METTL16: variants seen among roughly 807,000 people sequenced by gnomAD.
The protein encoded by METTL16 is methyltransferase 16, RNA N6-adenosine.
A neutral mutation model predicts 57.9 loss-of-function variants in METTL16; 19 were observed. The ratio of observed to expected loss-of-function variants is 0.33; its 90% CI spans 0.23 to 0.48. The LOEUF is 0.48. METTL16 is among the 20% of genes least tolerant of loss of function. The probability of loss-of-function intolerance (pLI) is 0.99; values close to 1 mark genes in which losing one functional copy is unlikely to be tolerated. For missense variants in METTL16, 434 were observed against 691.5 expected (o/e 0.63, Z 4.18); for synonymous variants, 246 against 255.6 (o/e 0.96, Z 0.36).
intron 3 of METTL16, among the ~76,000 whole-genome samples, chr17:2,475,935 CTTTT>C (rs1194705972): frequency 6.6e-6 from 1 of 152,134 alleles, no homozygotes; most frequent in African/African-American, 2.4e-5. Flanking sequence ...GGCTGTCAAG[CTTTT>C]TAAGCAAACT....
intron 6 of METTL16, among the ~76,000 whole-genome samples, chr17:2,452,378 G>A (rs1364479963): frequency 6.6e-6 from 1 of 152,070 alleles, no homozygotes; most frequent in Non-Finnish European, 1.5e-5. Flanking sequence ...TATGGAAAAA[G>A]CAGAAGTCAT....
At position 2,440,590 on chromosome 17, in the gene METTL16, T is replaced by C. The variant is rs537610057; in HGVS notation, c.798+900A>G. Among the ~76,000 whole-genome samples, 11 of 134,004 alleles carry C rather than the reference T, an allele frequency of 8.2e-5. No individual in the cohort carries two copies. In the South Asian group the frequency reaches 1.6e-3, roughly 20 times the overall value. The allele number at this position is 134,004 out of a possible 152,430, so 87.9% of individuals were successfully genotyped here. A position where few individuals can be genotyped will look rare whatever the true frequency, so the allele number is the denominator to read the frequency against. On this transcript the variant is annotated intron_variant, in intron 7 of 9. Coordinates refer to ENST00000263092, the MANE Select transcript of METTL16 (RefSeq NM_024086.4). ...AAAAACAAAAACAAAACAGTAGATA[T>C]ATGAAAAAAAACCTCAAGATGGACT... is the stretch of plus-strand genomic sequence containing the variant.
chr17:2,476,815 G>T (rs1415845522), intron 3 of METTL16, among the ~76,000 whole-genome samples: 1 of 152,068 alleles, frequency 6.6e-6, no homozygotes, highest in Non-Finnish European at 1.5e-5. Flanking sequence ...AATTAGCCAG[G>T]GGTGGTGGCA....
At position 2,420,198 on chromosome 17, in the gene METTL16, G is replaced by T; in HGVS notation, c.1461C>A (p.Ala487=). The T allele has an allele frequency of 1.9e-6, 3 of 1,614,164 alleles. 1 individual carries two copies. The Admixed American group carries it at 5.0e-5, about 27-fold the overall frequency. The change falls in exon 10 of 10, where the codon GCC becomes GCA. Residue 487 remains alanine, a synonymous_variant. Transcript: ENST00000263092. The surrounding 1 kb of genome is among the most constrained non-coding windows in gnomAD (Gnocchi z 5.4). ...LESCQGSSNG[A]QDQEASEQFG... ...ACTGCTCAGAAGCCTCTTGGTCCTG[G>T]GCTCCGTTGCTAGAGCCTTGACAAC... is the stretch of plus-strand genomic sequence containing the variant.
Position 2,444,936 on chromosome 17 carries a change from G to A in METTL16, c.729-3377C>T, listed in dbSNP as rs1242811021. Among the ~76,000 whole-genome samples, 8 of 151,906 alleles carry A rather than the reference G, an allele frequency of 5.3e-5. 1 individual carries two copies. Among genetic ancestry groups the A allele is most frequent in the Admixed American group, 5.2e-4 (8 of 15,252 alleles). Reference sequence around the variant, plus strand: ...TCACCATGTTGGCCAGGCTGGTCTTGAACTCCTGACCTCAGGTGTTCCACC... The same window carrying A: ...TCACCATGTTGGCCAGGCTGGTCTTAAACTCCTGACCTCAGGTGTTCCACC... On this transcript the variant is annotated intron_variant, in intron 6 of 9. Transcript: ENST00000263092.
chr17:2,492,176 A>G (rs1304248132), intron 2 of METTL16, among the ~76,000 whole-genome samples: 2 of 152,130 alleles, frequency 1.3e-5, no homozygotes, highest in Non-Finnish European at 2.9e-5. Flanking sequence ...GCGCCACTGC[A>G]CTCCAGCCTG....
At chr17:2,445,377 G>GCATT (rs1434455492) in intron 6 of METTL16, among the ~76,000 whole-genome samples, 1 of 152,076 alleles carries the variant, frequency 6.6e-6, no homozygotes, top group Non-Finnish European at 1.5e-5. Context: ...ACCTAATGAT[G>GCATT]CATTTCTCAG....
At chr17:2,505,738 C>T (rs930397243) in intron 1 of METTL16, among the ~76,000 whole-genome samples, 8 of 152,016 alleles carry the variant, frequency 5.3e-5, no homozygotes, top group Admixed American at 5.2e-4. Context: ...CTTGTTCTCA[C>T]CATCCCTCCT....
intron 6 of METTL16, among the ~76,000 whole-genome samples, chr17:2,447,311 C>T (rs371572814): frequency 6.9e-6 from 1 of 144,016 alleles, no homozygotes; most frequent in Non-Finnish European, 1.5e-5. Flanking sequence ...GCCCGGCCGC[C>T]CCGTCTGAGA....
Position 2,477,708 on chromosome 17 carries a change from A to C in METTL16, c.306T>G (p.Thr102=). ...LIGHQDSDKS[T]LRRGIDIGTG... ...TACCTATGTCAATTCCTCTTCGGAG[A>C]GTACTTTTGTCAGAATCCTGGTGAC... The change falls in exon 3 of 10, where the codon ACT becomes ACG. Residue 102 remains threonine (T), a synonymous_variant. Coordinates refer to ENST00000263092, the MANE Select transcript of METTL16 (RefSeq NM_024086.4). 1.2e-6 allele frequency: 2 copies of C among 1,613,558 alleles called. No individual in the cohort carries two copies. Among genetic ancestry groups the C allele is most frequent in the Non-Finnish European group, 1.7e-6 (2 of 1,179,456 alleles).
intron 5 of METTL16, among the ~76,000 whole-genome samples, chr17:2,465,152 C>T (rs1260924135): frequency 1.3e-5 from 2 of 152,116 alleles, no homozygotes; most frequent in Non-Finnish European, 2.9e-5. Context: ...GGCCAATAAG[C>T]ACGTGAAAAG....
At chr17:2,439,355 G>C (rs2066930925) in intron 7 of METTL16, among the ~76,000 whole-genome samples, 1 of 152,052 alleles carries the variant, frequency 6.6e-6, no homozygotes, top group African/African-American at 2.4e-5. Flanking sequence ...CAAGCAATCT[G>C]CCCGCCTCAG....
intron 6 of METTL16, among the ~76,000 whole-genome samples, chr17:2,448,801 T>TAAAAAA (rs1567889993): frequency 2.3e-4 from 11 of 47,414 alleles, no homozygotes; most frequent in East Asian, 4.1e-4. Context: ...AAAATAAAAT[T>TAAAAAA]TAAAAAAAAA....
chr17:2,425,023 TG>T (rs1385141052), intron 8 of METTL16, among the ~76,000 whole-genome samples: 2 of 152,144 alleles, frequency 1.3e-5, no homozygotes, highest in African/African-American at 4.8e-5. Flanking sequence ...AAAGATTAAC[TG>T]AAGTATGGCT....
intron 1 of METTL16, among the ~76,000 whole-genome samples, chr17:2,506,429 G>A (rs924420737): frequency 4.5e-4 from 69 of 151,982 alleles, no homozygotes; most frequent in African/African-American, 1.7e-3. Context: ...GCGATTGCAG[G>A]CGCACGCCGC....
At chr17:2,497,990 C>T (rs1456058025) in intron 2 of METTL16, among the ~76,000 whole-genome samples, 1 of 151,384 alleles carries the variant, frequency 6.6e-6, no homozygotes, top group Non-Finnish European at 1.5e-5. Flanking sequence ...GTCAGGAGAT[C>T]GAGACCATCG....
chr17:2,448,218 C>T (rs1407683486), intron 6 of METTL16, among the ~76,000 whole-genome samples: 57 of 144,114 alleles, frequency 4.0e-4, no homozygotes, highest in African/African-American at 6.4e-4. Context: ...CCCCTCTGCC[C>T]GGCCACGACC....
intron 8 of METTL16, among the ~76,000 whole-genome samples, chr17:2,432,955 G>C (rs1187255683): frequency 6.6e-6 from 1 of 152,206 alleles, no homozygotes; most frequent in African/African-American, 2.4e-5. Context: ...AAGCCAGACA[G>C]GGACCAGCTC....
At chr17:2,508,002 G>C (rs1407748345) in intron 1 of METTL16, among the ~76,000 whole-genome samples, 2 of 151,984 alleles carry the variant, frequency 1.3e-5, no homozygotes, top group African/African-American at 4.8e-5. Flanking sequence ...AAGGCCGCAG[G>C]GTTCTCTGCC....
Sources: allele counts gnomAD v4.1 joint callset (sites outside exome capture counted in the v4.1 genomes callset), GRCh38; gene constraint gnomAD v4.1.1; non-coding constraint Gnocchi (gnomAD v3.1); transcripts MANE v1.5; gene names NCBI Gene and HGNC (gene_info 2026-07-23, HGNC 2026-07-21).